Variants in PPFIA2 observed in about 807,000 individuals in gnomAD.
PPFIA2 encodes the protein liprin-alpha-2.
Under a neutral mutation model 175.5 loss-of-function variants are expected in PPFIA2, and 46 were observed. That is an observed-to-expected ratio of 0.26 (90% CI 0.21 to 0.34). The LOEUF is 0.34. Among genes scored for constraint, PPFIA2 ranks in the 10% least tolerant of loss-of-function variants. PPFIA2 has a pLI of 1.00. For synonymous variants in PPFIA2, 568 were observed against 511.4 expected (o/e 1.11, Z -1.49); for missense variants, 1,179 against 1,506.1 (o/e 0.78, Z 3.60).
chr12:81,361,388 A>T (rs1031139537), intron 15 of PPFIA2, among the ~76,000 whole-genome samples: 1 of 151,720 alleles, frequency 6.6e-6, no homozygotes, highest in Non-Finnish European at 1.5e-5. Context: ...ACATTGAAAT[A>T]ATAATTTCAG....
intron 4 of PPFIA2, among the ~76,000 whole-genome samples, chr12:81,623,448 C>T (rs2062306750): frequency 6.6e-6 from 1 of 151,912 alleles, no homozygotes; most frequent in Non-Finnish European, 1.5e-5. Context: ...TATCATTGGC[C>T]TCATCCATCT....
intron 3 of PPFIA2, among the ~76,000 whole-genome samples, chr12:81,681,427 T>C (rs2073608488): frequency 1.3e-5 from 2 of 151,924 alleles, no homozygotes; most frequent in Non-Finnish European, 1.5e-5. Flanking sequence ...TCAGAAGTCT[T>C]AAAGCTTGGG....
At chr12:81,267,727 GAT>G (rs140524032) in intron 29 of PPFIA2, among the ~76,000 whole-genome samples, 183 bp downstream of exon 29, 59,178 of 136,558 alleles carry the variant, frequency 0.43, 12,870 homozygotes, top group Non-Finnish European at 0.52. Flanking sequence ...TTAATTGTAT[GAT>G]TTTTTTTTTT....
chr12:81,530,592 A>G (rs1358011069), intron 4 of PPFIA2, among the ~76,000 whole-genome samples: 2 of 151,846 alleles, frequency 1.3e-5, no homozygotes. Context: ...AATGAACAGA[A>G]AAACCACTCG....
intron 4 of PPFIA2, among the ~76,000 whole-genome samples, chr12:81,661,304 A>G (rs1423553785): frequency 6.6e-6 from 1 of 152,236 alleles, no homozygotes; most frequent in East Asian, 1.9e-4. Flanking sequence ...CAGGAAACCC[A>G]TCTCACGTGC....
intron 3 of PPFIA2, among the ~76,000 whole-genome samples, chr12:81,748,840 A>G (rs1348256505): frequency 1.4e-5 from 2 of 144,556 alleles, no homozygotes; most frequent in Non-Finnish European, 3.1e-5. Context: ...TCATCAGTTC[A>G]CCCCAAATTC....
At chr12:81,294,706 C>T (rs1026198951) in intron 24 of PPFIA2, 129 bp downstream of exon 24, 17 of 859,578 alleles carry the variant, frequency 2.0e-5, no homozygotes, top group Non-Finnish European at 2.8e-5. Flanking sequence ...TAATAAAGAG[C>T]AAGCTTAATC....
At chr12:81,568,057 C>G (rs1273842344) in intron 4 of PPFIA2, among the ~76,000 whole-genome samples, 1 of 152,158 alleles carries the variant, frequency 6.6e-6, no homozygotes, top group Non-Finnish European at 1.5e-5. Context: ...CTGACTAACA[C>G]TAGGTTTAAA....
intron 4 of PPFIA2, among the ~76,000 whole-genome samples, chr12:81,574,857 T>G (rs1183551294): frequency 6.6e-6 from 1 of 151,842 alleles, no homozygotes; most frequent in African/African-American, 2.4e-5. Flanking sequence ...TGTATGCCTT[T>G]GTGTTACCAA....
chr12:81,623,185 C>T (rs953308369), intron 4 of PPFIA2, among the ~76,000 whole-genome samples: 1 of 151,934 alleles, frequency 6.6e-6, no homozygotes, highest in African/African-American at 2.4e-5. Context: ...GATTAGCCTT[C>T]CAGATAGCAT....
At chr12:81,543,117 G>A (rs935478494) in intron 4 of PPFIA2, among the ~76,000 whole-genome samples, 1 of 152,092 alleles carries the variant, frequency 6.6e-6, no homozygotes, top group African/African-American at 2.4e-5. Flanking sequence ...GCCAGGCACA[G>A]TTTTGGCTTT....
intron 4 of PPFIA2, among the ~76,000 whole-genome samples, chr12:81,618,050 AT>A (rs1390294506): frequency 6.6e-6 from 1 of 151,768 alleles, no homozygotes; most frequent in Non-Finnish European, 1.5e-5. Flanking sequence ...GCAGTTGCTG[AT>A]TTTTTTTGCC....
At chr12:81,511,183 T>C (rs2061747525) in intron 4 of PPFIA2, among the ~76,000 whole-genome samples, 1 of 152,118 alleles carries the variant, frequency 6.6e-6, no homozygotes, top group Non-Finnish European at 1.5e-5. Context: ...GGGTCAATTT[T>C]GTGACCATTT....
At chr12:81,718,400 C>T (rs1483859644) in intron 3 of PPFIA2, among the ~76,000 whole-genome samples, 1 of 151,448 alleles carries the variant, frequency 6.6e-6, no homozygotes, top group African/African-American at 2.4e-5. Flanking sequence ...TGGGATGTGG[C>T]TGAAGTGTTA....
intron 4 of PPFIA2, among the ~76,000 whole-genome samples, chr12:81,625,367 A>G (rs1252616180): frequency 2.6e-5 from 4 of 151,916 alleles, no homozygotes; most frequent in Non-Finnish European, 5.9e-5. Context: ...TTTGATTTGC[A>G]TGGACATGTC....
chr12:81,675,300 T>C (rs559836127), intron 4 of PPFIA2, among the ~76,000 whole-genome samples: 14 of 152,130 alleles, frequency 9.2e-5, no homozygotes, highest in Non-Finnish European at 4.4e-5. Context: ...GACATTGATG[T>C]CGTTTGCCTT....
chr12:81,382,332 G>A (rs1047218757), intron 9 of PPFIA2, among the ~76,000 whole-genome samples: 3 of 152,088 alleles, frequency 2.0e-5, no homozygotes, highest in African/African-American at 7.2e-5. Flanking sequence ...CACTGTGAGG[G>A]TTTTGATAAT....
intron 5 of PPFIA2, among the ~76,000 whole-genome samples, chr12:81,456,359 T>C (rs1409579090): frequency 3.3e-5 from 5 of 152,158 alleles, no homozygotes; most frequent in Admixed American, 6.6e-5. Flanking sequence ...CAGAGTATCA[T>C]TGAAAACCAA....
chr12:81,366,712 A>G (rs2033566369), intron 14 of PPFIA2, among the ~76,000 whole-genome samples: 1 of 151,806 alleles, frequency 6.6e-6, no homozygotes, highest in Non-Finnish European at 1.5e-5. Context: ...TATTTATAAT[A>G]GTATTTAATG....
Sources: allele counts gnomAD v4.1 joint callset (sites outside exome capture counted in the v4.1 genomes callset), GRCh38; gene constraint gnomAD v4.1.1; transcripts MANE v1.5; gene names NCBI Gene and HGNC (gene_info 2026-07-23, HGNC 2026-07-21).